The following CNTN4 variants were observed in gnomAD, a reference collection of about 807,000 sequenced individuals.
CNTN4 encodes the protein contactin-4.
A neutral mutation model predicts 122.5 loss-of-function variants in CNTN4; 77 were observed. That is an observed-to-expected ratio of 0.63 (90% CI 0.52 to 0.76). The LOEUF (loss-of-function observed/expected upper bound fraction) is 0.76. Among genes scored for constraint, CNTN4 ranks in the 30% least tolerant of loss-of-function variants. The probability of loss-of-function intolerance (pLI) is 0.00; values close to 1 mark genes in which losing one functional copy is unlikely to be tolerated. For missense variants in CNTN4, 1,256 were observed against 1,259.1 expected (o/e 1.00, Z 0.04); for synonymous variants, 512 against 447.0 (o/e 1.15, Z -1.83).
chr3:2,621,079 C>T (rs1289863372), intron 4 of CNTN4, among the ~76,000 whole-genome samples: 1 of 152,144 alleles, frequency 6.6e-6, no homozygotes, highest in East Asian at 1.9e-4. Context: ...ATAAGCTTGT[C>T]TGGAAAGTTG....
intron 2 of CNTN4, among the ~76,000 whole-genome samples, chr3:2,263,336 G>A (rs1480159919): frequency 2.6e-5 from 4 of 152,074 alleles, no homozygotes; most frequent in Admixed American, 2.6e-4. Flanking sequence ...TGTACATGGA[G>A]AGATGGTATT....
rs374612586 is a variant in CNTN4 at position 2,635,334 on chromosome 3, C to A, written c.55+63776C>A. Among the ~76,000 whole-genome samples the A allele has an allele frequency of 2.9e-4, 44 of 152,250 alleles. No homozygotes were observed. The East Asian group carries it at 8.1e-3, about 28-fold the overall frequency. ...CTGTAATTGGAAATGAAAATATTTT[C>A]TCTTCATTTTTCTGGTTCTCCCACA... On this transcript the variant is annotated intron_variant, in intron 4 of 24. Transcript: ENST00000418658.
At chr3:2,769,394 G>A (rs1252438673) in intron 6 of CNTN4, among the ~76,000 whole-genome samples, 1 of 151,554 alleles carries the variant, frequency 6.6e-6, no homozygotes, top group African/African-American at 2.4e-5. Context: ...GAACCCGGGA[G>A]GCAGAGGTTG....
rs544973162 is a variant in CNTN4, at chr3:2,797,283, C to T, written c.359-22203C>T. ...CACTGGGATTACAGGCGTGAACCACCACTCCCAGACCAGAATGTTAATTTA... is the reference window on the plus strand; with the variant it reads ...CACTGGGATTACAGGCGTGAACCACTACTCCCAGACCAGAATGTTAATTTA... On this transcript the variant is annotated intron_variant, in intron 6 of 24. Transcript: ENST00000418658. Among the ~76,000 whole-genome samples, 9 of 152,262 alleles carry T rather than the reference C, an allele frequency of 5.9e-5. No individual in the cohort carries two copies. The South Asian group carries it at 1.9e-3, about 32-fold the overall frequency.
intron 3 of CNTN4, among the ~76,000 whole-genome samples, chr3:2,465,028 G>A (rs1318652420): frequency 1.3e-5 from 2 of 152,160 alleles, no homozygotes; most frequent in South Asian, 2.1e-4. Context: ...TGATGAAAAA[G>A]GTCTGAAGAT....
intron 3 of CNTN4, among the ~76,000 whole-genome samples, chr3:2,520,003 T>A (rs1220573990): frequency 2.6e-5 from 4 of 152,050 alleles, no homozygotes; most frequent in Admixed American, 6.6e-5. Flanking sequence ...AGGCTTTTTT[T>A]AAACCCTAAT....
intron 3 of CNTN4, among the ~76,000 whole-genome samples, chr3:2,340,545 G>A (rs2044142842): frequency 6.6e-6 from 1 of 151,158 alleles, no homozygotes; most frequent in South Asian, 2.1e-4. Flanking sequence ...GCCGGATATG[G>A]TGGTGCATGC....
intron 2 of CNTN4, among the ~76,000 whole-genome samples, chr3:2,222,121 C>A (rs1041819893): frequency 6.6e-6 from 1 of 152,070 alleles, no homozygotes; most frequent in Non-Finnish European, 1.5e-5. Context: ...CAGCATGATT[C>A]ATAGTTGCCA....
At position 2,609,911 on chromosome 3, in the gene CNTN4, A is replaced by G. The variant is rs540819254; in HGVS notation, c.55+38353A>G. ...AAATGTCATTGATTTCATTAGCATA[A>G]AACTTTATTTTCTTCACCTTAATTT... On this transcript the variant is annotated intron_variant, in intron 4 of 24. Transcript: ENST00000418658. Among the ~76,000 whole-genome samples, 17 of 152,264 alleles carry G rather than the reference A, an allele frequency of 1.1e-4. No homozygotes were observed. The East Asian group carries it at 3.1e-3, about 28-fold the overall frequency.
chr3:2,802,672 C>T (rs560187223), intron 6 of CNTN4, among the ~76,000 whole-genome samples: 1 of 152,108 alleles, frequency 6.6e-6, no homozygotes, highest in East Asian at 1.9e-4. Context: ...GAAACCTAAC[C>T]CTGTATTTCC....
chr3:2,209,807 TC>T (rs1451407853), intron 2 of CNTN4, among the ~76,000 whole-genome samples: 6 of 152,106 alleles, frequency 3.9e-5, no homozygotes, highest in African/African-American at 1.4e-4. Context: ...GCTCCTTCTT[TC>T]CTCCTATTAT....
chr3:2,562,377 C>G (rs2078994078), intron 3 of CNTN4, among the ~76,000 whole-genome samples: 2 of 152,106 alleles, frequency 1.3e-5, no homozygotes, highest in African/African-American at 2.4e-5. Flanking sequence ...CCTTCCTCCC[C>G]TCCTTCTCTC....
At chr3:2,696,785 C>G (rs1239272688) in intron 4 of CNTN4, among the ~76,000 whole-genome samples, 24 of 152,130 alleles carry the variant, frequency 1.6e-4, no homozygotes, top group Non-Finnish European at 1.8e-4. Context: ...ATATATGATT[C>G]TCATTATACT....
chr3:2,120,552 A>G (rs2033702694), intron 2 of CNTN4, among the ~76,000 whole-genome samples: 1 of 151,024 alleles, frequency 6.6e-6, no homozygotes. Context: ...ACAGGTGCAC[A>G]CCACTATGCC....
At chr3:2,677,091 A>G (rs145485268) in intron 4 of CNTN4, among the ~76,000 whole-genome samples, 152 of 151,960 alleles carry the variant, frequency 1.0e-3, no homozygotes, top group Middle Eastern at 3.4e-3. Context: ...ACTGGATTCT[A>G]TTCTCTCTCT....
intron 8 of CNTN4, among the ~76,000 whole-genome samples, chr3:2,870,522 T>C (rs989692695): frequency 6.6e-6 from 1 of 152,196 alleles, no homozygotes; most frequent in East Asian, 1.9e-4. Context: ...ACATTCTTGT[T>C]AAAATCTATT....
intron 6 of CNTN4, among the ~76,000 whole-genome samples, chr3:2,782,985 T>C (rs964675232): frequency 6.6e-6 from 1 of 152,130 alleles, no homozygotes; most frequent in Non-Finnish European, 1.5e-5. Context: ...TCCCTAACTT[T>C]AGAGGTGAGG....
At position 2,752,802 on chromosome 3, in the gene CNTN4, C is replaced by G. The variant is rs537245320; in HGVS notation, c.358+7105C>G. Among the ~76,000 whole-genome samples the G allele has an allele frequency of 2.0e-5, 3 of 152,288 alleles. No homozygotes were observed. In the East Asian group the frequency reaches 5.8e-4, roughly 29 times the overall value. ...CCTCTAGTTACCACTCTTCTACTGT[C>G]TACTCTAATTCTGTCTTACTAAATA... On this transcript the variant is annotated intron_variant, in intron 6 of 24. Coordinates refer to ENST00000418658, the MANE Select transcript of CNTN4 (RefSeq NM_175607.3).
At chr3:2,162,282 C>G (rs1370234102) in intron 2 of CNTN4, among the ~76,000 whole-genome samples, 1 of 152,126 alleles carries the variant, frequency 6.6e-6, no homozygotes, top group African/African-American at 2.4e-5. Flanking sequence ...GAGTTCTATT[C>G]ATTTACTAAA....
Sources: allele counts gnomAD v4.1 joint callset (sites outside exome capture counted in the v4.1 genomes callset), GRCh38; gene constraint gnomAD v4.1.1; transcripts MANE v1.5; gene names NCBI Gene and HGNC (gene_info 2026-07-23, HGNC 2026-07-21).